PDE7A: variants seen among roughly 807,000 people sequenced by gnomAD.
PDE7A encodes the protein high affinity 3',5'-cyclic-AMP phosphodiesterase 7A.
PDE7A carries 39 observed loss-of-function variants against 64.3 expected under a neutral mutation model. The ratio of observed to expected loss-of-function variants is 0.61; its 90% CI spans 0.47 to 0.79. The LOEUF (loss-of-function observed/expected upper bound fraction) is 0.79, where lower values mean the gene tolerates loss of function less well. Ranked by LOEUF, PDE7A falls within the 30% of genes least tolerant of loss-of-function variation. The pLI, the probability that PDE7A is intolerant of heterozygous loss-of-function variation, is 0.00. For synonymous variants in PDE7A, 203 were observed against 206.8 expected (o/e 0.98, Z 0.16); for missense variants, 470 against 582.8 (o/e 0.81, Z 1.99).
chr8:65,759,470 G>A (rs1458293335), intron 3 of PDE7A, among the ~76,000 whole-genome samples: 1 of 152,118 alleles, frequency 6.6e-6, no homozygotes, highest in Non-Finnish European at 1.5e-5. Context: ...ATCCCCACAG[G>A]CCACAGGGCT....
chr8:65,823,058 C>G (rs1224645293), intron 1 of PDE7A, among the ~76,000 whole-genome samples: 1 of 152,016 alleles, frequency 6.6e-6, no homozygotes, highest in African/African-American at 2.4e-5. Flanking sequence ...TTTTATTTTT[C>G]TATTTCCAGT....
chr8:65,771,021 C>A, intron 3 of PDE7A: 2 of 378,336 alleles, frequency 5.3e-6, no homozygotes, highest in Admixed American at 3.2e-5. Context: ...AATTTATAAG[C>A]CTTAAGAGAA....
chr8:65,747,865 C>A, intron 3 of PDE7A, 62 bp from the exon 4 acceptor site: 1 of 1,004,180 alleles, frequency 1.0e-6, no homozygotes, highest in Non-Finnish European at 1.5e-6. Flanking sequence ...GCTATCTTTG[C>A]AATACCACTT....
In PDE7A at chr8:65,715,283, C is replaced by T. The variant is rs1352408901; in HGVS notation, c.*4007G>A. ...TGATGCAGTGTCTCACACCTGTAAT[C>T]CCAGCACTTTGAGAGGCCACGGTGG... On this transcript the variant is annotated 3_prime_UTR_variant, in exon 13 of 13. Transcript: ENST00000401827. Among the ~76,000 whole-genome samples, 1 of 152,068 alleles carries T rather than the reference C, an allele frequency of 6.6e-6. No homozygotes were observed. The highest frequency in any genetic ancestry group is 1.5e-5 in the Non-Finnish European group (1 of 68,002).
intron 3 of PDE7A, among the ~76,000 whole-genome samples, chr8:65,766,136 G>C (rs2128917494): frequency 6.6e-6 from 1 of 152,182 alleles, no homozygotes; most frequent in East Asian, 1.9e-4. Context: ...AGTAGAGATG[G>C]GGTTTCGCCA....
At chr8:65,818,179 A>G (rs1810460837) in intron 1 of PDE7A, among the ~76,000 whole-genome samples, 1 of 152,158 alleles carries the variant, frequency 6.6e-6, no homozygotes, top group South Asian at 2.1e-4. Flanking sequence ...TCTTTACTAA[A>G]TCCAGTATTT....
In PDE7A at chr8:65,841,090, C is replaced by T. The variant is rs545895339; in HGVS notation, c.138+281G>A. ...ACCGAAAAAGACAAGGGCGGTCATT[C>T]CTGAGGCTTAAACTGCTGGGCACAG... On this transcript the variant is annotated intron_variant, in intron 1 of 12. Transcript: ENST00000401827. Among the ~76,000 whole-genome samples the T allele has an allele frequency of 3.5e-4, 54 of 152,312 alleles. No homozygotes were observed. The South Asian group carries it at 0.011, about 32-fold the overall frequency.
intron 5 of PDE7A, among the ~76,000 whole-genome samples, chr8:65,743,282 A>T (rs572679001): frequency 1.3e-5 from 2 of 152,148 alleles, no homozygotes. Flanking sequence ...ATATTTCACT[A>T]CCTGTATTTT....
chr8:65,756,630 T>A (rs1244930315), intron 3 of PDE7A, among the ~76,000 whole-genome samples: 1 of 152,194 alleles, frequency 6.6e-6, no homozygotes, highest in East Asian at 1.9e-4. Flanking sequence ...CTCATTTTGT[T>A]TGTACATTGT....
intron 1 of PDE7A, among the ~76,000 whole-genome samples, chr8:65,804,539 GC>G (rs367979871): frequency 2.3e-4 from 30 of 131,710 alleles, no homozygotes; most frequent in Admixed American, 4.4e-4. Flanking sequence ...TCATTTTGTT[GC>G]TTTTTTTTTT....
intron 3 of PDE7A, among the ~76,000 whole-genome samples, chr8:65,769,982 T>A (rs752607126): frequency 1.3e-5 from 2 of 151,400 alleles, no homozygotes; most frequent in East Asian, 3.8e-4. Context: ...AATAATTTCA[T>A]AATACCATAC....
intron 5 of PDE7A, among the ~76,000 whole-genome samples, chr8:65,742,165 G>GT (rs1415411339): frequency 2.6e-5 from 4 of 152,176 alleles, no homozygotes; most frequent in Non-Finnish European, 5.9e-5. Flanking sequence ...AAAGAAAATT[G>GT]TATTTTTAGA....
intron 1 of PDE7A, among the ~76,000 whole-genome samples, chr8:65,786,868 G>A (rs1190922128): frequency 6.6e-6 from 1 of 152,186 alleles, no homozygotes; most frequent in Non-Finnish European, 1.5e-5. Context: ...ATCAGAAACT[G>A]TCAGCAGTAG....
At chr8:65,771,319 T>C (rs923778325) in intron 3 of PDE7A, 1 of 152,790 alleles carries the variant, frequency 6.5e-6, no homozygotes, top group Non-Finnish European at 1.5e-5. Context: ...GTAAACAGAA[T>C]ATGTTCAACA....
At chr8:65,796,938 A>C (rs548775181) in intron 1 of PDE7A, among the ~76,000 whole-genome samples, 1 of 152,348 alleles carries the variant, frequency 6.6e-6, no homozygotes, top group Admixed American at 6.5e-5. Flanking sequence ...AAAATCCTAA[A>C]GACCCTACAA....
chr8:65,770,511 G>A (rs1191827376), intron 3 of PDE7A, among the ~76,000 whole-genome samples: 2 of 152,144 alleles, frequency 1.3e-5, no homozygotes, highest in Non-Finnish European at 1.5e-5. Flanking sequence ...CTCCCACTGG[G>A]CCCCTCCCAG....
At chr8:65,719,731 A>G in intron 12 of PDE7A, 1 of 529,142 alleles carries the variant, frequency 1.9e-6, no homozygotes, top group Non-Finnish European at 3.4e-6. Flanking sequence ...TGACAAATAT[A>G]TCTAACCTTT....
chr8:65,749,250 C>T (rs1462851617), intron 3 of PDE7A, among the ~76,000 whole-genome samples: 1 of 152,114 alleles, frequency 6.6e-6, no homozygotes, highest in Non-Finnish European at 1.5e-5. Context: ...CCTCTGTATT[C>T]CAAAGCCTAA....
chr8:65,807,511 TG>T (rs138855601), intron 1 of PDE7A, among the ~76,000 whole-genome samples: 8,704 of 152,212 alleles, frequency 0.057, 357 homozygotes, highest in Middle Eastern at 0.11. Context: ...CCAATCTGGA[TG>T]TTTTTTTTAT....
Sources: allele counts gnomAD v4.1 joint callset (sites outside exome capture counted in the v4.1 genomes callset), GRCh38; gene constraint gnomAD v4.1.1; transcripts MANE v1.5; gene names NCBI Gene and HGNC (gene_info 2026-07-23, HGNC 2026-07-21).